Variants in CSGALNACT1 observed in about 807,000 individuals in gnomAD.
CSGALNACT1 encodes the protein beta4GalNAcT-1.
A neutral mutation model predicts 51.0 loss-of-function variants in CSGALNACT1; 52 were observed. That is an observed-to-expected ratio of 1.02 (90% confidence interval 0.82 to 1.29). CSGALNACT1 has a LOEUF of 1.29. CSGALNACT1 is among the 50% of genes most tolerant of loss of function. The probability of loss-of-function intolerance (pLI) is 0.00; values close to 1 mark genes in which losing one functional copy is unlikely to be tolerated. For missense variants in CSGALNACT1, 935 were observed against 679.2 expected (o/e 1.38, Z -4.19); for synonymous variants, 341 against 254.4 (o/e 1.34, Z -3.24).
chr8:19,743,418 TATG>T (rs2064440524), intron 1 of CSGALNACT1, among the ~76,000 whole-genome samples: 2 of 152,218 alleles, frequency 1.3e-5, no homozygotes, highest in Admixed American at 6.5e-5. Context: ...CCATATTCAT[TATG>T]ATGATCATCT....
chr8:19,659,208 C>T (rs17128812), intron 1 of CSGALNACT1, among the ~76,000 whole-genome samples: 4,501 of 152,230 alleles, frequency 0.03, 240 homozygotes, highest in African/African-American at 0.1. Flanking sequence ...GCTCAGTATA[C>T]GTAGCATTTC....
chr8:19,522,035 T>A lies in CSGALNACT1; in HGVS notation c.-296-15905A>T, dbSNP rs144630307. On this transcript the variant is annotated intron_variant, in intron 3 of 9. Transcript: ENST00000454498. ...TTACAGGCTCTGAGGTTGAGACCAT[T>A]TGAGCCCTGCAGTTGTTTGGTTTCT... is the stretch of plus-strand genomic sequence containing the variant. Among the ~76,000 whole-genome samples, 14 of 152,340 alleles carry A rather than the reference T, an allele frequency of 9.2e-5. No individual in the cohort carries two copies. The South Asian group carries it at 2.9e-3, about 32-fold the overall frequency.
At chr8:19,571,867 A>T (rs2043122749) in intron 3 of CSGALNACT1, among the ~76,000 whole-genome samples, 1 of 152,222 alleles carries the variant, frequency 6.6e-6, no homozygotes, top group Non-Finnish European at 1.5e-5. Context: ...TGAATTTCCT[A>T]AAAGAAGTTA....
At chr8:19,487,568 G>T (rs1250738850) in intron 4 of CSGALNACT1, among the ~76,000 whole-genome samples, 1 of 152,136 alleles carries the variant, frequency 6.6e-6, no homozygotes, top group Non-Finnish European at 1.5e-5. Flanking sequence ...TAAGATTCTG[G>T]AGAAGAAAAA....
intron 8 of CSGALNACT1, among the ~76,000 whole-genome samples, chr8:19,414,594 TACACACAC>T (rs10555160): frequency 1.3e-5 from 2 of 150,620 alleles, no homozygotes; most frequent in African/African-American, 4.9e-5. Context: ...AACACACACA[TACACACAC>T]ACACACACAC....
chr8:19,466,892 T>C (rs2066815350), intron 4 of CSGALNACT1, among the ~76,000 whole-genome samples: 1 of 152,210 alleles, frequency 6.6e-6, no homozygotes, highest in African/African-American at 2.4e-5. Flanking sequence ...CCACTGAAAG[T>C]TTCTTTTACC....
At chr8:19,530,086 G>C (rs1365657387) in intron 3 of CSGALNACT1, among the ~76,000 whole-genome samples, 1 of 152,042 alleles carries the variant, frequency 6.6e-6, no homozygotes, top group Non-Finnish European at 1.5e-5. Flanking sequence ...GCCAGGCATA[G>C]TGGTGCGTGC....
chr8:19,610,580 A>T (rs1407539637), intron 1 of CSGALNACT1, among the ~76,000 whole-genome samples: 1 of 152,160 alleles, frequency 6.6e-6, no homozygotes, highest in Non-Finnish European at 1.5e-5. Context: ...ACGCACCGGC[A>T]GGCGCCAGCA....
chr8:19,659,335 C>T (rs1425827780), intron 1 of CSGALNACT1, among the ~76,000 whole-genome samples: 2 of 152,172 alleles, frequency 1.3e-5, no homozygotes, highest in Non-Finnish European at 2.9e-5. Context: ...TTTCTTCATC[C>T]CAACTATGTC....
chr8:19,453,017 T>A (rs2063474573), intron 5 of CSGALNACT1, among the ~76,000 whole-genome samples: 1 of 152,130 alleles, frequency 6.6e-6, no homozygotes, highest in Admixed American at 6.5e-5. Flanking sequence ...CCAAACTATG[T>A]TCGAGCAAAC....
intron 1 of CSGALNACT1, among the ~76,000 whole-genome samples, chr8:19,723,059 T>G (rs940220615): frequency 1.3e-5 from 2 of 152,214 alleles, no homozygotes; most frequent in Admixed American, 6.5e-5. Context: ...TCTCCACTTT[T>G]TAGAGCAAGC....
chr8:19,610,289 CAAAAAAAAAAAAA>C (rs58262538), intron 1 of CSGALNACT1, among the ~76,000 whole-genome samples: 1 of 47,656 alleles, frequency 2.1e-5, no homozygotes, highest in South Asian at 8.2e-4. Flanking sequence ...GACTCCGTCT[CAAAAAAAAAAAAA>C]AAAAAAAAAG....
At chr8:19,554,908 ACT>A (rs994930379) in intron 3 of CSGALNACT1, among the ~76,000 whole-genome samples, 25 of 151,880 alleles carry the variant, frequency 1.6e-4, no homozygotes, top group East Asian at 1.9e-4. Flanking sequence ...ACAGAGGGAG[ACT>A]CTGTCTCAAA....
intron 2 of CSGALNACT1, among the ~76,000 whole-genome samples, chr8:19,599,570 A>G (rs2049947593): frequency 6.6e-6 from 1 of 152,032 alleles, no homozygotes; most frequent in Admixed American, 6.6e-5. Flanking sequence ...GGAAAGAAAG[A>G]AAGAGAGAGA....
intron 1 of CSGALNACT1, among the ~76,000 whole-genome samples, chr8:19,668,341 TACACACAC>T (rs111315690): frequency 0.021 from 3,235 of 150,752 alleles, 54 homozygotes; most frequent in South Asian, 0.048. Context: ...CATGCACGGT[TACACACAC>T]ACACACACAC....
intron 4 of CSGALNACT1, among the ~76,000 whole-genome samples, chr8:19,503,916 A>G (rs565555938): frequency 1.3e-5 from 2 of 152,274 alleles, no homozygotes; most frequent in South Asian, 4.1e-4. Flanking sequence ...AAAAAGCATA[A>G]AAGAAGAAAG....
At chr8:19,468,907 G>A (rs956202201) in intron 4 of CSGALNACT1, among the ~76,000 whole-genome samples, 1 of 152,132 alleles carries the variant, frequency 6.6e-6, no homozygotes, top group African/African-American at 2.4e-5. Flanking sequence ...ATGAGCTCAG[G>A]ATGCAGGCTC....
chr8:19,427,197 A>G (rs1327273084), intron 6 of CSGALNACT1, among the ~76,000 whole-genome samples: 2 of 152,166 alleles, frequency 1.3e-5, no homozygotes, highest in Admixed American at 6.5e-5. Flanking sequence ...ATCGGTTCTA[A>G]AAGTTCATGT....
chr8:19,707,965 G>T (rs571172033), intron 1 of CSGALNACT1, among the ~76,000 whole-genome samples: 1 of 152,148 alleles, frequency 6.6e-6, no homozygotes. Context: ...CTGAGATGGC[G>T]CCACTGCACT....
Sources: allele counts gnomAD v4.1 joint callset (sites outside exome capture counted in the v4.1 genomes callset), GRCh38; gene constraint gnomAD v4.1.1; transcripts MANE v1.5; gene names NCBI Gene and HGNC (gene_info 2026-07-23, HGNC 2026-07-21).